Variants in TBX1 observed in about 807,000 individuals in gnomAD.
The protein encoded by TBX1 is T-box transcription factor TBX1.
Under a neutral mutation model 40.8 loss-of-function variants are expected in TBX1, and 16 were observed. The observed-to-expected ratio is 0.39, with a 90% CI of 0.27 to 0.60. TBX1 has a LOEUF of 0.60. TBX1 is among the 20% of genes least tolerant of loss of function. TBX1 has a pLI of 0.51. For synonymous variants in TBX1, 403 were observed against 336.8 expected (o/e 1.20, Z -2.15); for missense variants, 755 against 728.5 (o/e 1.04, Z -0.42).
At chr22:19,778,835 C>T (rs912877673) in intron 8 of TBX1, among the ~76,000 whole-genome samples, 2 of 152,098 alleles carry the variant, frequency 1.3e-5, no homozygotes, top group African/African-American at 4.8e-5. Flanking sequence ...AGGATAACTG[C>T]TTGAACTTGG....
intron 8 of TBX1, among the ~76,000 whole-genome samples, chr22:19,778,969 C>A (rs191159959): frequency 1.3e-5 from 2 of 152,078 alleles, no homozygotes; most frequent in Non-Finnish European, 2.9e-5. Context: ...TTCCCTGATC[C>A]GACGTCTTTC....
At chr22:19,779,471 G>GA in exon 9 of TBX1, 1 of 1,608,716 alleles carries the variant, frequency 6.2e-7, no homozygotes, top group Non-Finnish European at 8.5e-7. Flanking sequence ...GTTCATGTTT[G>GA]AAATTTCCAA....
At chr22:19,756,926 G>A (rs1387824030), upstream of TBX1, among the ~76,000 whole-genome samples, 2 of 151,788 alleles carry the variant, frequency 1.3e-5, no homozygotes, top group Non-Finnish European at 2.9e-5. Context: ...GTGGCGGGGC[G>A]GCGGAGCGCG....
chr22:19,770,265 T>TA (rs775478398), downstream of TBX1, among the ~76,000 whole-genome samples: 5 of 152,180 alleles, frequency 3.3e-5, no homozygotes, highest in Non-Finnish European at 7.4e-5. Context: ...AGGAAATAGA[T>TA]AGATTCTTGA....
intron 1 of TBX1, 115 bp downstream of exon 1, chr22:19,761,395 C>T (rs1936657121): frequency 7.8e-7 from 1 of 1,274,248 alleles, no homozygotes; most frequent in African/African-American, 1.6e-5. Flanking sequence ...CGCGGCCTGG[C>T]CACCTGCGGG....
chr22:19,766,400 G>T lies in TBX1; in HGVS notation c.1048G>T (p.Ala350Ser). The T allele has an allele frequency of 1.5e-6, 2 of 1,341,176 alleles. No homozygotes were observed. Among genetic ancestry groups the T allele is most frequent in the Non-Finnish European group, 1.9e-6 (2 of 1,046,032 alleles). The allele number at this position is 1,341,176 out of a possible 1,614,324, so 83.1% of individuals were successfully genotyped here. The change falls in exon 7 of 7, where the codon GCC (alanine) becomes TCC (serine). Residue 350 changes from alanine (A) to serine (S), a missense_variant. Ala to Ser is a moderately conservative substitution (Grantham distance 99, BLOSUM62 1). This residue lies in a region of TBX1 where 412 missense variants were observed against 317.6 expected (regional missense o/e 1.30). Transcript: ENST00000649276. The stretch of plus-strand genomic sequence containing the variant: ...GGCCCTCTCCGCAGACGCGGCTGAG[G>T]CCCGGCGAGAATTCCAGCGCGACGC... ...PSGTEKDAAE[A>S]RREFQRDAGG... is the part of the protein sequence containing the mutation.
Position 19,764,227 on chromosome 22 carries a change from C to T in TBX1, c.612C>T (p.Tyr204=), listed in dbSNP as rs1936759282. The T allele has an allele frequency of 4.3e-6, 7 of 1,613,194 alleles. No individual in the cohort carries two copies. The highest frequency in any genetic ancestry group is 5.9e-6 in the Non-Finnish European group (7 of 1,179,952). Residue 204 remains tyrosine, a synonymous_variant, in exon 3 of 7, where the codon TAC becomes TAT. Transcript: ENST00000649276. ...CTGCCACGCCAGGCCGCGTGCACTA[C>T]CACCCGGACTCGCCTGCCAAGGGCG... ...ADPATPGRVH[Y]HPDSPAKGAQ...
downstream of TBX1, among the ~76,000 whole-genome samples, chr22:19,767,791 G>C (rs1205473056): frequency 6.6e-6 from 1 of 152,258 alleles, no homozygotes; most frequent in Non-Finnish European, 1.5e-5. Context: ...TCGGTGCTGG[G>C]AGGGGGAGAA....
downstream of TBX1, chr22:19,767,430 C>T: frequency 1.0e-6 from 1 of 976,476 alleles, no homozygotes; most frequent in Non-Finnish European, 1.2e-6. Flanking sequence ...CAGGGCCTCC[C>T]CAGCCCCAAT....
downstream of TBX1, chr22:19,779,682 G>A: frequency 1.4e-6 from 1 of 724,088 alleles, no homozygotes; most frequent in Non-Finnish European, 2.0e-6. Flanking sequence ...GAAACTACAA[G>A]CTTAACATAT....
intron 3 of TBX1, 33 bp downstream of exon 3, chr22:19,764,359 C>T (rs748033739): frequency 6.9e-6 from 11 of 1,603,770 alleles, no homozygotes; most frequent in African/African-American, 1.3e-5. Flanking sequence ...TCCGGTGTCC[C>T]CCAAGGCCTC....
At chr22:19,761,475 C>T (rs945229111) in intron 1 of TBX1, among the ~76,000 whole-genome samples, 195 bp downstream of exon 1, 1 of 151,792 alleles carries the variant, frequency 6.6e-6, no homozygotes, top group Admixed American at 6.6e-5. Context: ...CCGGCGCTCC[C>T]CTCCTAACAC....
At chr22:19,767,562 C>T (rs1233917217), downstream of TBX1, among the ~76,000 whole-genome samples, 2 of 152,192 alleles carry the variant, frequency 1.3e-5, no homozygotes, top group Non-Finnish European at 2.9e-5. Context: ...CCTGCCAGGC[C>T]TGTGCACTCC....
chr22:19,783,247 T>C, downstream of TBX1: 1 of 551,462 alleles, frequency 1.8e-6, no homozygotes. Flanking sequence ...TTTATTAATG[T>C]AGCAAGAGAT....
exon 9 of TBX1, chr22:19,779,377 T>C (rs2145851937): frequency 6.2e-7 from 1 of 1,614,214 alleles, no homozygotes; most frequent in Non-Finnish European, 8.5e-7. Context: ...GCCTGGTGGC[T>C]GGGAGGACCG....
At chr22:19,782,850 CACAA>C, downstream of TBX1, 1 of 1,613,642 alleles carries the variant, frequency 6.2e-7, no homozygotes, top group East Asian at 2.2e-5. Flanking sequence ...TGATAAAGGC[CACAA>C]ACACTTTGAC....
chr22:19,767,084 C>G lies in TBX1; in HGVS notation c.*217C>G. On this transcript the variant is annotated 3_prime_UTR_variant, in exon 7 of 7. Transcript: ENST00000649276. Reference sequence around the variant, plus strand: ...CCGGTTCCCCAGTCCCTGGAGCCACCGCGGGTCCTTCCCCGGCCCCGAGGG... The same window carrying G: ...CCGGTTCCCCAGTCCCTGGAGCCACGGCGGGTCCTTCCCCGGCCCCGAGGG... 5.5e-6 allele frequency: 7 copies of G among 1,267,412 alleles called. No individual in the cohort carries two copies. The highest frequency in any genetic ancestry group is 6.9e-6 in the Non-Finnish European group (7 of 1,009,272). The allele number at this position is 1,267,412 out of a possible 1,614,324, so 78.5% of individuals were successfully genotyped here.
chr22:19,769,538 G>A (rs146075959), downstream of TBX1, among the ~76,000 whole-genome samples: 6 of 152,330 alleles, frequency 3.9e-5, no homozygotes, highest in East Asian at 1.9e-4. Context: ...GGCGCACGCC[G>A]CTGCTCACCG....
At chr22:19,759,617 C>T (rs1208355258), upstream of TBX1, 2 of 1,611,246 alleles carry the variant, frequency 1.2e-6, no homozygotes, top group South Asian at 2.2e-5. Flanking sequence ...GGTGAAGCTT[C>T]GCTGGCTGCC....
Sources: allele counts gnomAD v4.1 joint callset (sites outside exome capture counted in the v4.1 genomes callset), GRCh38; gene constraint gnomAD v4.1.1; regional missense constraint gnomAD v4.1.1; transcripts MANE v1.5; gene names NCBI Gene and HGNC (gene_info 2026-07-23, HGNC 2026-07-21).